Variants in DYNC2H1 observed in about 807,000 individuals in gnomAD.
DYNC2H1 encodes the protein cytoplasmic dynein 2 heavy chain 1.
DYNC2H1 carries 410 observed loss-of-function variants against 570.0 expected under a neutral mutation model. That is an observed-to-expected ratio of 0.72 (90% confidence interval 0.66 to 0.78). The LOEUF is 0.78. DYNC2H1 is among the 30% of genes least tolerant of loss of function. The pLI is 0.00. For missense variants in DYNC2H1, 4,865 were observed against 5,046.4 expected (o/e 0.96, Z 1.09); for synonymous variants, 1,688 against 1,677.6 (o/e 1.01, Z -0.15).
rs1944427869 is a variant in DYNC2H1 at position 103,446,516 on chromosome 11, A to G, written c.12457-8670A>G. On this transcript the variant is annotated intron_variant, in intron 85 of 88. Coordinates refer to ENST00000375735, the MANE Select transcript of DYNC2H1 (RefSeq NM_001377.3). The surrounding 1 kb of genome is among the most constrained non-coding windows in gnomAD (Gnocchi z 4.5). ...GAGGAGATGTTTTGTGAAGTTCTAAAGAATGAAAGCCTGGTCATATGAGTT... is the reference window on the plus strand; with the variant it reads ...GAGGAGATGTTTTGTGAAGTTCTAAGGAATGAAAGCCTGGTCATATGAGTT... 6.6e-6 allele frequency among the ~76,000 whole-genome samples: 1 copy of G among 152,226 alleles called. No individual in the cohort carries two copies. The highest frequency in any genetic ancestry group is 1.5e-5 in the Non-Finnish European group (1 of 68,038).
intron 75 of DYNC2H1, among the ~76,000 whole-genome samples, chr11:103,302,234 A>G (rs1010379743): frequency 2.0e-5 from 3 of 152,038 alleles, no homozygotes; most frequent in Non-Finnish European, 4.4e-5. Flanking sequence ...AATTTCTTTG[A>G]GTATTAGTTT....
intron 82 of DYNC2H1, among the ~76,000 whole-genome samples, chr11:103,346,865 T>G (rs1224002296): frequency 6.6e-6 from 1 of 152,164 alleles, no homozygotes; most frequent in African/African-American, 2.4e-5. Context: ...TCTAATAAAA[T>G]AATTGGTTCA....
chr11:103,444,714 G>T (rs1295285222), intron 85 of DYNC2H1, among the ~76,000 whole-genome samples: 1 of 152,170 alleles, frequency 6.6e-6, no homozygotes, highest in Admixed American at 6.5e-5. Context: ...TTTAAACAGA[G>T]ACTTGAATAA....
At chr11:103,222,701 C>G (rs553584242) in intron 58 of DYNC2H1, among the ~76,000 whole-genome samples, 1 of 152,190 alleles carries the variant, frequency 6.6e-6, no homozygotes, top group East Asian at 1.9e-4. Flanking sequence ...AGAAATGTGA[C>G]TAATAGAAAA....
intron 30 of DYNC2H1, among the ~76,000 whole-genome samples, chr11:103,165,309 A>G (rs1000351257): frequency 3.3e-5 from 5 of 152,030 alleles, no homozygotes; most frequent in African/African-American, 1.2e-4. Context: ...TGTATTTTTC[A>G]GTAGAGACGG....
intron 52 of DYNC2H1, among the ~76,000 whole-genome samples, chr11:103,206,263 A>G (rs1399601075): frequency 6.6e-6 from 1 of 152,308 alleles, no homozygotes; most frequent in Non-Finnish European, 1.5e-5. Flanking sequence ...TGAAATGACT[A>G]TCATTTGAGA....
At chr11:103,401,865 C>T (rs1161582921) in intron 84 of DYNC2H1, 1 of 151,958 alleles carries the variant, frequency 6.6e-6, no homozygotes, top group Non-Finnish European at 1.5e-5. Flanking sequence ...AATAGGAATA[C>T]CATGTAGGTT....
At chr11:103,210,083 T>A in intron 53 of DYNC2H1, 123 bp downstream of exon 53, 1 of 1,160,776 alleles carries the variant, frequency 8.6e-7, no homozygotes, top group Non-Finnish European at 1.1e-6. Context: ...TGTAACAAAA[T>A]TAGATTTCTT....
intron 83 of DYNC2H1, among the ~76,000 whole-genome samples, chr11:103,388,312 A>G (rs1368680451): frequency 6.6e-6 from 1 of 151,956 alleles, no homozygotes; most frequent in Non-Finnish European, 1.5e-5. Flanking sequence ...TTTGTCTGTT[A>G]TTGGTGTATA....
chr11:103,327,730 C>T (rs555769949), intron 82 of DYNC2H1, among the ~76,000 whole-genome samples: 1 of 152,266 alleles, frequency 6.6e-6, no homozygotes, highest in East Asian at 1.9e-4. Context: ...AAGCAGCTAC[C>T]TATATACAGA....
At chr11:103,150,001 A>ATGAAT (rs796766479) in intron 20 of DYNC2H1, among the ~76,000 whole-genome samples, 15 of 152,326 alleles carry the variant, frequency 9.8e-5, no homozygotes, top group African/African-American at 3.6e-4. Context: ...AGCATGTACA[A>ATGAAT]AGATCTTAAG....
At chr11:103,121,663 G>A (rs933668482) in intron 10 of DYNC2H1, among the ~76,000 whole-genome samples, 167 bp downstream of exon 10, 4 of 152,142 alleles carry the variant, frequency 2.6e-5, no homozygotes, top group African/African-American at 7.2e-5. Context: ...CAGAGGAGTC[G>A]TAATGGTTCT....
chr11:103,162,007 T>C (rs918414049), intron 29 of DYNC2H1, among the ~76,000 whole-genome samples: 2 of 152,224 alleles, frequency 1.3e-5, no homozygotes, highest in Non-Finnish European at 2.9e-5. Flanking sequence ...CATAAATCAG[T>C]TGATTGAAAA....
At chr11:103,231,694 T>C (rs1864018096) in intron 60 of DYNC2H1, among the ~76,000 whole-genome samples, 1 of 152,054 alleles carries the variant, frequency 6.6e-6, no homozygotes, top group Admixed American at 6.6e-5. Flanking sequence ...TTTTAAAAGT[T>C]GTGAAGATTG....
intron 87 of DYNC2H1, among the ~76,000 whole-genome samples, chr11:103,456,671 A>G (rs1944800935): frequency 6.6e-6 from 1 of 152,176 alleles, no homozygotes; most frequent in African/African-American, 2.4e-5. Flanking sequence ...TTTACTGTAC[A>G]ATAAACTACA....
At chr11:103,213,442 CT>C (rs1863237634) in intron 54 of DYNC2H1, among the ~76,000 whole-genome samples, 1 of 151,500 alleles carries the variant, frequency 6.6e-6, no homozygotes, top group Non-Finnish European at 1.5e-5. Context: ...ATCTGTTTAG[CT>C]TTTCTATGAT....
At chr11:103,435,431 T>C (rs531487841) in intron 84 of DYNC2H1, among the ~76,000 whole-genome samples, 2 of 152,260 alleles carry the variant, frequency 1.3e-5, no homozygotes, top group South Asian at 4.1e-4. Context: ...AGGTCAAATA[T>C]TAGATAACTT....
intron 54 of DYNC2H1, 135 bp downstream of exon 54, chr11:103,212,078 C>G (rs1863178680): frequency 9.1e-7 from 1 of 1,095,946 alleles, no homozygotes; most frequent in South Asian, 4.1e-5. Context: ...GGAAAACAGT[C>G]TCACTTTCCT....
intron 17 of DYNC2H1, among the ~76,000 whole-genome samples, chr11:103,140,656 C>G (rs1182344281): frequency 6.6e-6 from 1 of 152,142 alleles, no homozygotes; most frequent in African/African-American, 2.4e-5. Context: ...TTCATTTCAA[C>G]TTTGGTGAAT....
Sources: gnomAD v4.1 joint callset for allele counts (sites outside exome capture counted in the v4.1 genomes callset) on GRCh38, gnomAD v4.1.1 for gene constraint, Gnocchi (gnomAD v3.1) non-coding constraint, MANE v1.5 for transcripts, NCBI Gene and HGNC (gene_info 2026-07-23, HGNC 2026-07-21) for gene names.